Variants in DDX60 observed in about 807,000 individuals in gnomAD.
The protein encoded by DDX60 is DExD/H-box helicase 60.
DDX60 carries 165 observed loss-of-function variants against 212.8 expected under a neutral mutation model. That is an observed-to-expected ratio of 0.78 (90% CI 0.68 to 0.88). The LOEUF (loss-of-function observed/expected upper bound fraction) is 0.88, where lower values mean the gene tolerates loss of function less well. DDX60 is among the 40% of genes least tolerant of loss of function. DDX60 has a pLI of 0.00. For missense variants in DDX60, 1,905 were observed against 2,003.9 expected, an observed-to-expected ratio of 0.95 and a Z score of 0.94; for synonymous variants, 703 against 685.3, an observed-to-expected ratio of 1.03 and a Z score of -0.40.
chr4:168,273,898 G>A, intron 17 of DDX60, 36 bp downstream of exon 17: 2 of 1,588,166 alleles, frequency 1.3e-6, no homozygotes, highest in Non-Finnish European at 1.7e-6. Context: ...GTAGGTTCAG[G>A]AATGAAAGAG....
Position 168,311,271 on chromosome 4 carries a change from C to A in DDX60, c.-12G>T. On this transcript the variant is annotated 5_prime_UTR_variant, in exon 2 of 38. Transcript: ENST00000393743. Reference sequence around the variant, plus strand: ...GGAAAATTACCCATTCTTGCTGCTGCCTGTGCCTCCAACCTGAACTGGCAA... The same window carrying A: ...GGAAAATTACCCATTCTTGCTGCTGACTGTGCCTCCAACCTGAACTGGCAA... 1 of 1,612,438 alleles carries A rather than the reference C, an allele frequency of 6.2e-7. No individual in the cohort carries two copies. The highest frequency in any genetic ancestry group is 1.1e-5 in the South Asian group (1 of 90,906).
At chr4:168,287,626 C>A (rs1436914283) in intron 9 of DDX60, among the ~76,000 whole-genome samples, 13 of 152,044 alleles carry the variant, frequency 8.6e-5, no homozygotes, top group Non-Finnish European at 8.8e-5. Flanking sequence ...CATGAAGGAA[C>A]CACATCACTG....
chr4:168,299,157 CAAAAAA>C (rs1197872492), intron 6 of DDX60, among the ~76,000 whole-genome samples: 4 of 61,924 alleles, frequency 6.5e-5, no homozygotes, highest in African/African-American at 1.9e-4. Flanking sequence ...GAGACTGTCT[CAAAAAA>C]AAAAAAAAAA....
At chr4:168,239,025 G>T (rs959505558) in intron 30 of DDX60, among the ~76,000 whole-genome samples, 1 of 152,104 alleles carries the variant, frequency 6.6e-6, no homozygotes, top group African/African-American at 2.4e-5. Context: ...CAAACCATCA[G>T]ATTTGGATAG....
At chr4:168,238,192 G>A (rs1169594787) in intron 30 of DDX60, among the ~76,000 whole-genome samples, 1 of 125,710 alleles carries the variant, frequency 8.0e-6, no homozygotes, top group Admixed American at 9.3e-5. Context: ...CTGCATTAAA[G>A]TACATGTATC....
At chr4:168,270,315 A>C (rs1199667418) in intron 19 of DDX60, among the ~76,000 whole-genome samples, 1 of 152,244 alleles carries the variant, frequency 6.6e-6, no homozygotes, top group Admixed American at 6.5e-5. Flanking sequence ...AGCAACTGAA[A>C]AAGACTTACT....
At chr4:168,239,553 G>A (rs2149498060) in intron 30 of DDX60, among the ~76,000 whole-genome samples, 1 of 152,134 alleles carries the variant, frequency 6.6e-6, no homozygotes, top group East Asian at 1.9e-4. Flanking sequence ...TGTCAATGCA[G>A]CAGACAGGGA....
intron 7 of DDX60, among the ~76,000 whole-genome samples, chr4:168,292,355 A>G (rs573394102): frequency 7.2e-5 from 11 of 152,098 alleles, no homozygotes; most frequent in Non-Finnish European, 1.5e-4. Flanking sequence ...GAATTATTAC[A>G]TTTTTCATTC....
At chr4:168,217,063 CT>C in intron 37 of DDX60, 31 bp from the exon 38 acceptor site, 1 of 1,414,342 alleles carries the variant, frequency 7.1e-7, no homozygotes, top group Non-Finnish European at 9.8e-7. Flanking sequence ...ATAGGATCCA[CT>C]TTAGTGAGAT....
chr4:168,318,474 T>A (rs1737504158), intron 1 of DDX60, 148 bp downstream of exon 1: 1 of 152,448 alleles, frequency 6.6e-6, no homozygotes, highest in Admixed American at 6.5e-5. Context: ...GCCACGGCCT[T>A]GCGATCCCAG....
chr4:168,281,494 T>C (rs1443245465), intron 13 of DDX60, among the ~76,000 whole-genome samples: 1 of 152,172 alleles, frequency 6.6e-6, no homozygotes. Context: ...GCACAAAGCA[T>C]TTAGTCCATA....
chr4:168,260,722 C>T (rs1167295180), intron 25 of DDX60, 143 bp downstream of exon 25: 1 of 749,638 alleles, frequency 1.3e-6, no homozygotes, highest in East Asian at 2.6e-5. Flanking sequence ...GCCCACCACT[C>T]ACCTCCTGCT....
rs752216407 is a variant in DDX60 at position 168,285,382 on chromosome 4, T to G, written c.1445+11A>C. The G allele has an allele frequency of 3.2e-5, 49 of 1,508,532 alleles. No homozygotes were observed. The highest frequency in any genetic ancestry group is 4.1e-5 in the Non-Finnish European group (45 of 1,090,798). The allele number at this position is 1,508,532 out of a possible 1,614,324, so 93.4% of individuals were successfully genotyped here. ...CAAGTATTTATTGAGGCACAGTTTT[T>G]GGCCTTATACCTCTTTAGAAAAGGC... On this transcript the variant is annotated intron_variant, in intron 11 of 37. Transcript: ENST00000393743.
chr4:168,323,437 C>T (rs1340378319), upstream of DDX60, among the ~76,000 whole-genome samples: 1 of 152,164 alleles, frequency 6.6e-6, no homozygotes, highest in Non-Finnish European at 1.5e-5. Context: ...CTATTTGCCA[C>T]ATTGTAACTT....
intron 1 of DDX60, among the ~76,000 whole-genome samples, chr4:168,316,234 T>C (rs1234937036): frequency 1.3e-5 from 2 of 152,222 alleles, no homozygotes; most frequent in African/African-American, 4.8e-5. Flanking sequence ...ACTACATGTC[T>C]TAGCCTAGCA....
rs1294284134 is a variant in DDX60 at position 168,237,761 on chromosome 4, A to G, written c.4199T>C (p.Phe1400Ser). 6.2e-7 allele frequency: 1 copy of G among 1,611,714 alleles called. No individual in the cohort carries two copies. The highest frequency in any genetic ancestry group is 1.3e-5 in the African/African-American group (1 of 74,844). The stretch of plus-strand genomic sequence containing the variant: ...CATGTCCATGACTCTGGGTTGCTTG[A>G]AGGACAGCAATGAATGCTTTAGCAC... Reference protein sequence around the residue: ...LSVLKHSLLSFKQPRVMDMLK... With the variant: ...LSVLKHSLLSSKQPRVMDMLK... Residue 1400 changes from phenylalanine (F) to serine (S), a missense_variant, in exon 31 of 38, where the codon TTC (phenylalanine) becomes TCC (serine). Transcript: ENST00000393743.
intron 7 of DDX60, 140 bp from the exon 8 acceptor site, chr4:168,292,046 T>TTTA: frequency 2.3e-6 from 1 of 428,270 alleles, no homozygotes. Flanking sequence ...TCTTTCTTTC[T>TTTA]TTCTTTTTTT....
chr4:168,250,395 G>T (rs1184102240), intron 28 of DDX60, among the ~76,000 whole-genome samples: 1 of 151,972 alleles, frequency 6.6e-6, no homozygotes, highest in East Asian at 1.9e-4. Context: ...TACAAAATTA[G>T]CTGGGCATGG....
intron 33 of DDX60, among the ~76,000 whole-genome samples, chr4:168,234,456 A>C (rs1257247507): frequency 6.6e-6 from 1 of 151,874 alleles, no homozygotes; most frequent in East Asian, 1.9e-4. Flanking sequence ...CTTACTGATC[A>C]TGACTTCTGA....
Sources: allele counts gnomAD v4.1 joint callset (sites outside exome capture counted in the v4.1 genomes callset), GRCh38; gene constraint gnomAD v4.1.1; transcripts MANE v1.5; gene names NCBI Gene and HGNC (gene_info 2026-07-23, HGNC 2026-07-21).